Variants in NTM observed in about 807,000 individuals in gnomAD.
The protein encoded by NTM is neurotrimin.
In NTM, 13 loss-of-function variants were observed where a neutral mutation model predicts 42.1. The ratio of observed to expected loss-of-function variants is 0.31; its 90% CI spans 0.20 to 0.49. The LOEUF (loss-of-function observed/expected upper bound fraction) is 0.49, where lower values mean the gene tolerates loss of function less well. NTM is among the 20% of genes least tolerant of loss of function. The pLI, the probability that NTM is intolerant of heterozygous loss-of-function variation, is 0.99. For synonymous variants in NTM, 187 were observed against 179.2 expected (o/e 1.04, Z -0.35); for missense variants, 373 against 452.8 (o/e 0.82, Z 1.60).
chr11:131,380,662 A>G (rs1942562677), intron 1 of NTM, among the ~76,000 whole-genome samples: 1 of 152,138 alleles, frequency 6.6e-6, no homozygotes, highest in Non-Finnish European at 1.5e-5. Context: ...AATCTTATTT[A>G]TCTTTATATA....
At chr11:132,207,831 T>C (rs1475363247) in intron 3 of NTM, among the ~76,000 whole-genome samples, 1 of 152,218 alleles carries the variant, frequency 6.6e-6, no homozygotes, top group African/African-American at 2.4e-5. Flanking sequence ...TCTTGTGGCA[T>C]CCATGTCAAG....
chr11:132,073,224 G>A (rs547846807), intron 2 of NTM, among the ~76,000 whole-genome samples: 6 of 152,126 alleles, frequency 3.9e-5, no homozygotes, highest in Admixed American at 3.9e-4. Flanking sequence ...ATTTGTGAAG[G>A]GGATCCAGTG....
chr11:132,332,366 GCCAGCCACTCA>G (rs1389383678), intron 8 of NTM: 2 of 152,160 alleles, frequency 1.3e-5, no homozygotes, highest in Non-Finnish European at 2.9e-5. Flanking sequence ...GTCACATAGT[GCCAGCCACTCA>G]CCAGCCTGAG....
At chr11:132,190,367 G>A (rs2079104169) in intron 3 of NTM, among the ~76,000 whole-genome samples, 1 of 152,118 alleles carries the variant, frequency 6.6e-6, no homozygotes, top group Non-Finnish European at 1.5e-5. Context: ...CTAAATATGT[G>A]ACACTCTGGA....
chr11:131,925,135 A>G lies in NTM; in HGVS notation c.167+13487A>G, dbSNP rs962918410. ...CCTTGAGGCAAATGAGCACATATCC[A>G]TAATGGACTTAACTCAAGACATGCT... On this transcript the variant is annotated intron_variant, in intron 2 of 8. Transcript: ENST00000683400. Among the ~76,000 whole-genome samples the G allele has an allele frequency of 9.8e-5, 15 of 152,358 alleles. 1 individual carries two copies. Among genetic ancestry groups the G allele is most frequent in the African/African-American group, 3.6e-4 (15 of 41,598 alleles).
chr11:131,467,210 TG>T (rs1951980550), intron 1 of NTM, among the ~76,000 whole-genome samples: 1 of 152,166 alleles, frequency 6.6e-6, no homozygotes, highest in Admixed American at 6.5e-5. Context: ...TGGGGACAGA[TG>T]GGCCAAGAGG....
chr11:131,503,551 CTTACT>C (rs1266856928), intron 1 of NTM, among the ~76,000 whole-genome samples: 2 of 147,444 alleles, frequency 1.4e-5, no homozygotes, highest in Non-Finnish European at 3.0e-5. Context: ...GAGACAAGGT[CTTACT>C]CTGTTGCTCA....
At chr11:132,195,481 A>G (rs1418034215) in intron 3 of NTM, among the ~76,000 whole-genome samples, 1 of 151,628 alleles carries the variant, frequency 6.6e-6, no homozygotes, top group Non-Finnish European at 1.5e-5. Flanking sequence ...AAAAAAAAAA[A>G]AGACCCCATA....
At chr11:132,070,522 C>G (rs1254862165) in intron 2 of NTM, among the ~76,000 whole-genome samples, 1 of 121,884 alleles carries the variant, frequency 8.2e-6, no homozygotes, top group African/African-American at 3.2e-5. Flanking sequence ...CGTCACACAG[C>G]CAAGTTAACA....
chr11:131,821,516 T>C (rs971875294), intron 1 of NTM, among the ~76,000 whole-genome samples: 4 of 152,232 alleles, frequency 2.6e-5, no homozygotes, highest in Admixed American at 2.6e-4. Context: ...TGGACCACAA[T>C]CAAATACTTA....
Position 131,458,385 on chromosome 11 carries a change from G to A in NTM, c.82+87497G>A, listed in dbSNP as rs149893164. Among the ~76,000 whole-genome samples the A allele has an allele frequency of 4.6e-4, 70 of 152,344 alleles. 1 individual carries two copies. The highest frequency in any genetic ancestry group is 1.7e-3 in the African/African-American group (70 of 41,586). On this transcript the variant is annotated intron_variant, in intron 1 of 8. Coordinates refer to ENST00000683400, the MANE Select transcript of NTM (RefSeq NM_001352005.2). ...GCACATTTGGAGGGGAAAGCCCATAGTCGAAGCATTTATAGGGCACAGAGG... is the reference window on the plus strand; with the variant it reads ...GCACATTTGGAGGGGAAAGCCCATAATCGAAGCATTTATAGGGCACAGAGG...
At chr11:131,918,580 G>T (rs1052528681) in intron 2 of NTM, among the ~76,000 whole-genome samples, 8 of 152,156 alleles carry the variant, frequency 5.3e-5, no homozygotes, top group Non-Finnish European at 2.9e-5. Flanking sequence ...GGTGGGTGCT[G>T]AGCCTGGGAC....
chr11:132,308,121 G>T lies in NTM; in HGVS notation c.661+298G>T, dbSNP rs140432322. Among the ~76,000 whole-genome samples, 6 of 152,248 alleles carry T rather than the reference G, an allele frequency of 3.9e-5. No homozygotes were observed. The East Asian group carries it at 1.2e-3, about 29-fold the overall frequency. ...ATTCAGCTCATAATTTTTTAAACAC[G>T]TCTTCAAATCCAAAATTTTCCCATA... On this transcript the variant is annotated intron_variant, in intron 5 of 8. Transcript: ENST00000683400.
intron 2 of NTM, among the ~76,000 whole-genome samples, chr11:132,079,624 A>G (rs771545612): frequency 7.9e-5 from 12 of 152,116 alleles, no homozygotes; most frequent in Admixed American, 5.9e-4. Flanking sequence ...CATTTTTTCT[A>G]AAATAGAGTT....
intron 1 of NTM, among the ~76,000 whole-genome samples, chr11:131,588,929 G>A (rs569384579): frequency 7.2e-5 from 11 of 152,264 alleles, no homozygotes; most frequent in African/African-American, 2.6e-4. Flanking sequence ...AAGAGAAATG[G>A]CATTAACAGG....
At chr11:131,934,774 G>T (rs889720505) in intron 2 of NTM, among the ~76,000 whole-genome samples, 1 of 152,184 alleles carries the variant, frequency 6.6e-6, no homozygotes, top group Non-Finnish European at 1.5e-5. Flanking sequence ...CAAGTGTCCG[G>T]TGCTGGAGGG....
chr11:131,422,959 C>A (rs1249336949), intron 1 of NTM, among the ~76,000 whole-genome samples: 2 of 152,146 alleles, frequency 1.3e-5, no homozygotes, highest in Non-Finnish European at 2.9e-5. Flanking sequence ...TAATCAATAA[C>A]AAGATCTACT....
At chr11:131,607,747 G>A (rs148543134) in intron 1 of NTM, among the ~76,000 whole-genome samples, 210 of 152,258 alleles carry the variant, frequency 1.4e-3, no homozygotes, top group Non-Finnish European at 2.6e-3. Context: ...GATGATTGTT[G>A]TACGTATTTA....
intron 2 of NTM, among the ~76,000 whole-genome samples, chr11:132,095,779 A>G (rs1301878094): frequency 1.3e-5 from 2 of 152,194 alleles, no homozygotes; most frequent in Non-Finnish European, 2.9e-5. Context: ...CACGTATTAG[A>G]AAGGGAGGAA....
Sources: gnomAD v4.1 joint callset for allele counts (sites outside exome capture counted in the v4.1 genomes callset) on GRCh38, gnomAD v4.1.1 for gene constraint, MANE v1.5 for transcripts, NCBI Gene and HGNC (gene_info 2026-07-23, HGNC 2026-07-21) for gene names.